MARVELD2: variants seen among roughly 807,000 people sequenced by gnomAD.
MARVELD2 encodes MARVEL domain-containing protein 2.
MARVELD2 carries 49 observed loss-of-function variants against 57.6 expected under a neutral mutation model. That is an observed-to-expected ratio of 0.85 (90% CI 0.68 to 1.08). The LOEUF (loss-of-function observed/expected upper bound fraction) is 1.08. Among genes scored for constraint, MARVELD2 ranks in the 50% least tolerant of loss-of-function variants. The pLI, the probability that MARVELD2 is intolerant of heterozygous loss-of-function variation, is 0.00. For missense variants in MARVELD2, 606 were observed against 701.1 expected, an observed-to-expected ratio of 0.86 and a Z score of 1.53; for synonymous variants, 238 against 258.8, an observed-to-expected ratio of 0.92 and a Z score of 0.77.
chr5:69,426,670 C>T (rs1766804728), intron 3 of MARVELD2, among the ~76,000 whole-genome samples: 1 of 151,894 alleles, frequency 6.6e-6, no homozygotes, highest in Non-Finnish European at 1.5e-5. Flanking sequence ...AGAATTCAGT[C>T]TTTGGATTTG....
chr5:69,425,099 A>G (rs919343053), intron 3 of MARVELD2, among the ~76,000 whole-genome samples: 2 of 151,538 alleles, frequency 1.3e-5, no homozygotes, highest in Admixed American at 6.6e-5. Flanking sequence ...TTGTAGGGAC[A>G]TGGATGAAAT....
In MARVELD2 at chr5:69,420,020, C is replaced by T. The variant is rs750316255; in HGVS notation, c.635C>T (p.Thr212Ile). 3 of 1,614,162 alleles carry T rather than the reference C, an allele frequency of 1.9e-6. No individual in the cohort carries two copies. The highest frequency in any genetic ancestry group is 1.7e-5 in the Admixed American group (1 of 60,014). Residue 212 changes from threonine (T) to isoleucine (I), a missense_variant, in exon 2 of 7, where the codon ACA (threonine) becomes ATA (isoleucine). Coordinates refer to ENST00000325631, the MANE Select transcript of MARVELD2 (RefSeq NM_001038603.3). ...LLGAGVFACV[T>I]AYIHKDSEWY... The stretch of plus-strand genomic sequence containing the variant: ...GGGGCCGGTGTCTTTGCTTGTGTCA[C>T]AGCTTACATTCACAAGGACAGTGAG...
At chr5:69,417,930 C>A (rs2150911355) in intron 1 of MARVELD2, among the ~76,000 whole-genome samples, 1 of 147,210 alleles carries the variant, frequency 6.8e-6, no homozygotes, top group South Asian at 2.2e-4. Context: ...CAGATTGAGA[C>A]TCTGTCTCAA....
At chr5:69,436,632 G>C (rs1162767083) in intron 5 of MARVELD2, among the ~76,000 whole-genome samples, 1 of 152,090 alleles carries the variant, frequency 6.6e-6, no homozygotes, top group Admixed American at 6.6e-5. Context: ...CCAGTACCAG[G>C]AAGCAAGAGA....
chr5:69,431,028 T>TCCTCCCA (rs555406317), intron 3 of MARVELD2, among the ~76,000 whole-genome samples: 393 of 151,440 alleles, frequency 2.6e-3, no homozygotes, highest in Admixed American at 4.4e-3. Flanking sequence ...CCTCAAGTGA[T>TCCTCCCA]CCTCCCACCT....
At position 69,442,550 on chromosome 5, in the gene MARVELD2, A is replaced by G. The variant is rs1767356915; in HGVS notation, c.*896A>G. ...AACTATATTAGTGTTTGTGAAGTCT[A>G]CTGAAGTGTTTGTGAAATGAATAAA... On this transcript the variant is annotated 3_prime_UTR_variant, in exon 7 of 7. Transcript: ENST00000325631. 1 of 152,204 alleles carries G rather than the reference A, an allele frequency of 6.6e-6. No homozygotes were observed. The highest frequency in any genetic ancestry group is 2.4e-5 in the African/African-American group (1 of 41,446). 9.4% of individuals were successfully genotyped at this position (152,204 alleles called of 1,614,324 possible). A position where few individuals can be genotyped will look rare whatever the true frequency, so the allele number is the denominator to read the frequency against.
In MARVELD2 at chr5:69,441,570, C is replaced by G. The variant is rs1480635765; in HGVS notation, c.1593C>G (p.Tyr531Ter). The G allele has an allele frequency of 6.2e-7, 1 of 1,604,718 alleles. No individual in the cohort carries two copies. The highest frequency in any genetic ancestry group is 2.2e-5 in the East Asian group (1 of 44,770). The change falls in exon 7 of 7, where the codon TAC becomes TAG. Residue 531 changes from tyrosine (Y) to a stop codon, truncating the protein, a stop_gained. Transcript: ENST00000325631. LOFTEE classifies it high-confidence loss of function. ...TGGAAAAAAAAGAACGCTGTGATTACCTAAAGAATAAACTTTCTCACATAA... is the reference window on the plus strand; with the variant it reads ...TGGAAAAAAAAGAACGCTGTGATTAGCTAAAGAATAAACTTTCTCACATAA... ...TFLEKKERCD[Y>*]LKNKLSHIKQ...
rs186944682 is a variant in MARVELD2 at position 69,417,796 on chromosome 5, G to A, written c.-15-1575G>A. Among the ~76,000 whole-genome samples the A allele has an allele frequency of 4.1e-3, 625 of 152,138 alleles. 3 individuals are homozygous for A. The highest frequency in any genetic ancestry group is 0.017 in the East Asian group (90 of 5,168). The stretch of plus-strand genomic sequence containing the variant: ...CTACTAAAAATACAAAAAATTAGCC[G>A]GGCGTGGTGGCGAGCACCTGTAGTC... On this transcript the variant is annotated intron_variant, in intron 1 of 6. Transcript: ENST00000325631.
chr5:69,431,409 G>A (rs1421917618), intron 3 of MARVELD2, among the ~76,000 whole-genome samples: 4 of 152,072 alleles, frequency 2.6e-5, no homozygotes, highest in East Asian at 3.9e-4. Flanking sequence ...CACCGTGCCC[G>A]GCCAACTCAT....
chr5:69,426,562 T>C (rs189475615), intron 3 of MARVELD2, among the ~76,000 whole-genome samples: 8,891 of 152,076 alleles, frequency 0.058, 314 homozygotes, highest in Non-Finnish European at 0.088. Context: ...CTCGAACCCC[T>C]GACCTCGTGA....
intron 5 of MARVELD2, among the ~76,000 whole-genome samples, chr5:69,440,027 C>T (rs1016809222): frequency 1.3e-5 from 2 of 152,116 alleles, no homozygotes; most frequent in African/African-American, 2.4e-5. Context: ...AAGAACTTTC[C>T]AAAAAGGATG....
chr5:69,426,952 C>G (rs995785752), intron 3 of MARVELD2, among the ~76,000 whole-genome samples: 1 of 151,860 alleles, frequency 6.6e-6, no homozygotes, highest in Non-Finnish European at 1.5e-5. Context: ...GCCACCTCAC[C>G]CAGCCAGCAA....
At chr5:69,416,921 C>T (rs1766447966) in intron 1 of MARVELD2, among the ~76,000 whole-genome samples, 1 of 152,202 alleles carries the variant, frequency 6.6e-6, no homozygotes, top group African/African-American at 2.4e-5. Context: ...CTCCTCTATT[C>T]AGAATCCTCC....
rs1172911442 is a variant in MARVELD2, at chr5:69,422,879, G to C, written c.1147-1722G>C. On this transcript the variant is annotated intron_variant, in intron 2 of 6. Coordinates refer to ENST00000325631, the MANE Select transcript of MARVELD2 (RefSeq NM_001038603.3). Reference sequence around the variant, plus strand: ...TATTTCTCAGACTGGCCGACACTTAGGGAATATAGAAAAGAACCTATGTGA... The same window carrying C: ...TATTTCTCAGACTGGCCGACACTTACGGAATATAGAAAAGAACCTATGTGA... Among the ~76,000 whole-genome samples, 4 of 152,206 alleles carry C rather than the reference G, an allele frequency of 2.6e-5. No individual in the cohort carries two copies. In the East Asian group the frequency reaches 7.7e-4, roughly 29 times the overall value.
intron 3 of MARVELD2, among the ~76,000 whole-genome samples, chr5:69,426,983 A>G (rs1766812505): frequency 6.6e-6 from 1 of 152,064 alleles, no homozygotes; most frequent in East Asian, 1.9e-4. Context: ...GAATCAGGCA[A>G]TCTAAATTTG....
chr5:69,430,412 C>T (rs981896046), intron 3 of MARVELD2, among the ~76,000 whole-genome samples: 45 of 152,088 alleles, frequency 3.0e-4, no homozygotes, highest in Non-Finnish European at 6.2e-4. Context: ...GACAGCATCT[C>T]CCTATGTTGC....
At chr5:69,425,400 AATATAT>A (rs1193710887) in intron 3 of MARVELD2, among the ~76,000 whole-genome samples, 1 of 143,904 alleles carries the variant, frequency 6.9e-6, no homozygotes, top group Non-Finnish European at 1.5e-5. Context: ...ATAATAAAAA[AATATAT>A]ATATATTAAA....
At chr5:69,425,009 A>G (rs1766739853) in intron 3 of MARVELD2, among the ~76,000 whole-genome samples, 1 of 143,530 alleles carries the variant, frequency 7.0e-6, no homozygotes, top group African/African-American at 2.6e-5. Context: ...TGGGTGACAG[A>G]GTGAGACTGT....
Position 69,419,738 on chromosome 5 carries a change from C to T in MARVELD2, c.353C>T (p.Pro118Leu), listed in dbSNP as rs199644520. 2.5e-6 allele frequency: 4 copies of T among 1,614,130 alleles called. No individual in the cohort carries two copies. In the South Asian group the frequency reaches 4.4e-5, roughly 18 times the overall value. The change falls in exon 2 of 7, where the codon CCA (proline) becomes CTA (leucine). Residue 118 changes from proline to leucine, a missense_variant. Pro to Leu is a moderately conservative substitution (Grantham distance 98). Transcript: ENST00000325631. ...YISDGVECSP[P>L]ASPARPNHRS... is the part of the protein sequence containing the mutation. ...TCCGATGGAGTGGAGTGTTCACCAC[C>T]AGCCTCTCCAGCAAGACCAAACCAC... is the stretch of plus-strand genomic sequence containing the variant.
Sources: gnomAD v4.1 joint callset for allele counts (sites outside exome capture counted in the v4.1 genomes callset) on GRCh38, gnomAD v4.1.1 for gene constraint, MANE v1.5 for transcripts, NCBI Gene and HGNC (gene_info 2026-07-23, HGNC 2026-07-21) for gene names.